ZNF398: variants seen among roughly 807,000 people sequenced by gnomAD.
ZNF398 encodes zinc finger protein 398.
In ZNF398, 18 loss-of-function variants were observed where a neutral mutation model predicts 41.9. The ratio of observed to expected loss-of-function variants is 0.43; its 90% CI spans 0.30 to 0.64. The LOEUF is 0.64. ZNF398 is among the 30% of genes least tolerant of loss of function. ZNF398 has a pLI of 0.14. For missense variants in ZNF398, 669 were observed against 822.8 expected (o/e 0.81, Z 2.29); for synonymous variants, 260 against 308.8 (o/e 0.84, Z 1.66).
chr7:149,151,458 G>A (rs930124741), intron 1 of ZNF398, among the ~76,000 whole-genome samples: 4 of 152,182 alleles, frequency 2.6e-5, no homozygotes, highest in African/African-American at 9.7e-5. Flanking sequence ...TCAGAGAGTG[G>A]CTTATCAGGT....
intron 1 of ZNF398, among the ~76,000 whole-genome samples, chr7:149,128,654 A>G (rs1442270432): frequency 6.8e-6 from 1 of 147,982 alleles, no homozygotes; most frequent in Non-Finnish European, 1.5e-5. Flanking sequence ...CAGAGGTGGG[A>G]GGATTACTTG....
At chr7:149,153,825 C>G in intron 1 of ZNF398, 120 bp from the exon 2 acceptor site, 3 of 1,228,488 alleles carry the variant, frequency 2.4e-6, no homozygotes, top group Non-Finnish European at 3.4e-6. Context: ...GCAGGCAGTA[C>G]TAGAACTATA....
chr7:149,177,395 T>C (rs1585543251), intron 5 of ZNF398, among the ~76,000 whole-genome samples: 1 of 151,508 alleles, frequency 6.6e-6, no homozygotes, highest in Admixed American at 6.6e-5. Context: ...AGCCCAGGAG[T>C]TCAAGACCAG....
At chr7:149,160,549 T>A (rs1795087424) in intron 2 of ZNF398, among the ~76,000 whole-genome samples, 1 of 152,246 alleles carries the variant, frequency 6.6e-6, no homozygotes. Context: ...CTAGCCAAAG[T>A]CACATCTCTT....
At position 149,179,576 on chromosome 7, in the gene ZNF398, C is replaced by T; in HGVS notation, c.1704C>T (p.Pro568=). The T allele has an allele frequency of 6.2e-7, 1 of 1,614,242 alleles. No homozygotes were observed. The highest frequency in any genetic ancestry group is 1.1e-5 in the South Asian group (1 of 91,086). ...TCCACACCGGGGAGCGGCCCTACCC[C>T]TGCTCCTACTGTGGCAGGAGCTTCC... is the stretch of plus-strand genomic sequence containing the variant. The part of the protein sequence containing the change: ...QRIHTGERPY[P]CSYCGRSFRY... Residue 568 remains proline (P), a synonymous_variant, in exon 6 of 6, where the codon CCC becomes CCT. Coordinates refer to ENST00000475153, the MANE Select transcript of ZNF398 (RefSeq NM_170686.3). The surrounding 1 kb of genome is among the most constrained non-coding windows in gnomAD (Gnocchi z 6.1).
At chr7:149,169,081 T>G (rs6955564) in intron 4 of ZNF398, among the ~76,000 whole-genome samples, 5 of 152,084 alleles carry the variant, frequency 3.3e-5, no homozygotes, top group African/African-American at 1.2e-4. Context: ...ATCATTGTAT[T>G]TTATGGGATG....
chr7:149,135,167 T>G (rs1826682855), intron 2 of ZNF398, among the ~76,000 whole-genome samples: 2 of 152,020 alleles, frequency 1.3e-5, no homozygotes, highest in Non-Finnish European at 2.9e-5. Context: ...AGTCCTTTGT[T>G]GGATATATGA....
At position 149,133,864 on chromosome 7, in the gene ZNF398, G is replaced by T. The variant is rs1352633599; in HGVS notation, c.-490+4920G>T. 4.7e-5 allele frequency among the ~76,000 whole-genome samples: 7 copies of T among 149,122 alleles called. 1 individual carries two copies. The Admixed American group carries it at 4.7e-4, about 10-fold the overall frequency. On this transcript the variant is annotated intron_variant, in intron 2 of 6. Transcript: ENST00000426851. ...CCTCCTGCGTTCAAGCGATTCTCCT[G>T]CCTCAGCCTCCCGAGTAGCTGGGAT...
intron 2 of ZNF398, among the ~76,000 whole-genome samples, chr7:149,129,915 C>T (rs1826564248): frequency 6.6e-6 from 1 of 152,078 alleles, no homozygotes; most frequent in African/African-American, 2.4e-5. Context: ...ATTCTCCTGC[C>T]TCAGCCTCCC....
At chr7:149,148,341 T>C in intron 1 of ZNF398, 2 of 719,022 alleles carry the variant, frequency 2.8e-6, no homozygotes, top group Non-Finnish European at 3.4e-6. Context: ...CGCGGGTGTT[T>C]GCCAAGGCCT....
chr7:149,162,751 C>T (rs1286343058), intron 2 of ZNF398, among the ~76,000 whole-genome samples: 1 of 152,034 alleles, frequency 6.6e-6, no homozygotes, highest in African/African-American at 2.4e-5. Flanking sequence ...CCATTTGTTT[C>T]AGAAATTAAA....
chr7:149,170,896 A>T (rs1232841721), intron 4 of ZNF398, among the ~76,000 whole-genome samples: 2 of 151,602 alleles, frequency 1.3e-5, no homozygotes, highest in African/African-American at 4.8e-5. Context: ...GCCACACTAA[A>T]TTTATAGAAA....
chr7:149,172,369 A>G (rs963826898), intron 4 of ZNF398, among the ~76,000 whole-genome samples: 3 of 152,162 alleles, frequency 2.0e-5, no homozygotes, highest in Non-Finnish European at 2.9e-5. Flanking sequence ...TCCACACTGT[A>G]TACGCTACCT....
At chr7:149,135,972 A>G (rs1354858622) in intron 2 of ZNF398, among the ~76,000 whole-genome samples, 1 of 152,046 alleles carries the variant, frequency 6.6e-6, no homozygotes, top group Non-Finnish European at 1.5e-5. Context: ...TAACAATAAT[A>G]ATAATAATAA....
At chr7:149,161,824 G>A (rs11764892) in intron 2 of ZNF398, among the ~76,000 whole-genome samples, 78,384 of 127,400 alleles carry the variant, frequency 0.62, 24,229 homozygotes, top group East Asian at 0.89. Context: ...AAAAAAAAAA[G>A]GGGAATTGTT....
upstream of ZNF398, among the ~76,000 whole-genome samples, chr7:149,146,253 C>G (rs926824543): frequency 1.3e-5 from 2 of 152,058 alleles, no homozygotes; most frequent in South Asian, 2.1e-4. Context: ...CTCGCAGGTC[C>G]TTTTGCTCAG....
chr7:149,156,439 A>T (rs937056536), intron 2 of ZNF398, among the ~76,000 whole-genome samples: 3 of 117,230 alleles, frequency 2.6e-5, no homozygotes, highest in African/African-American at 9.9e-5. Context: ...GTTGAGGGGG[A>T]GGTTGCAGTG....
chr7:149,159,324 AG>A (rs923153900), intron 2 of ZNF398, among the ~76,000 whole-genome samples: 5 of 152,050 alleles, frequency 3.3e-5, no homozygotes, highest in African/African-American at 1.2e-4. Flanking sequence ...TTGAAATATG[AG>A]AAACTTTTGT....
chr7:149,170,455 G>A (rs1421562252), intron 4 of ZNF398, among the ~76,000 whole-genome samples: 1 of 152,098 alleles, frequency 6.6e-6, no homozygotes. Flanking sequence ...GATACAAAAT[G>A]AGCTGGGCAC....
Sources: allele counts gnomAD v4.1 joint callset (sites outside exome capture counted in the v4.1 genomes callset), GRCh38; gene constraint gnomAD v4.1.1; non-coding constraint Gnocchi (gnomAD v3.1); transcripts MANE v1.5; gene names NCBI Gene and HGNC (gene_info 2026-07-23, HGNC 2026-07-21).